ENTPD5: variants seen among roughly 807,000 people sequenced by gnomAD.
ENTPD5 encodes nucleoside diphosphate phosphatase ENTPD5.
In ENTPD5, 49 loss-of-function variants were observed where a neutral mutation model predicts 60.2. The ratio of observed to expected loss-of-function variants is 0.81; its 90% CI spans 0.65 to 1.03. ENTPD5 has a LOEUF of 1.03. ENTPD5 is among the 50% of genes least tolerant of loss of function. ENTPD5 has a pLI of 0.00. For missense variants in ENTPD5, 480 were observed against 507.6 expected (o/e 0.95, Z 0.52); for synonymous variants, 187 against 185.4 (o/e 1.01, Z -0.07).
intron 7 of ENTPD5, 61 bp downstream of exon 7, chr14:73,977,238 G>C: frequency 7.1e-7 from 1 of 1,410,858 alleles, no homozygotes; most frequent in East Asian, 2.3e-5. Context: ...AGTTCCTTTA[G>C]TTAGATCTTT....
At chr14:74,013,966 T>C (rs2058930096) in intron 2 of ENTPD5, among the ~76,000 whole-genome samples, 1 of 152,126 alleles carries the variant, frequency 6.6e-6, no homozygotes, top group South Asian at 2.1e-4. Flanking sequence ...CAGGCCGGTC[T>C]CAAAATCCTA....
downstream of ENTPD5, chr14:73,961,366 C>T (rs1395962227): frequency 3.1e-6 from 5 of 1,614,180 alleles, no homozygotes; most frequent in African/African-American, 2.7e-5. Flanking sequence ...CCTCGGGTGG[C>T]GCTCATTGGG....
In ENTPD5 at chr14:73,991,624, A is replaced by C. The variant is rs1175880756; in HGVS notation, c.-70-3452T>G. Among the ~76,000 whole-genome samples, 4 of 136,978 alleles carry C rather than the reference A, an allele frequency of 2.9e-5. No individual in the cohort carries two copies. The South Asian group carries it at 7.8e-4, about 27-fold the overall frequency. 89.9% of individuals were successfully genotyped at this position (136,978 alleles called of 152,430 possible). A position where few individuals can be genotyped will look rare whatever the true frequency, so the allele number is the denominator to read the frequency against. Reference sequence around the variant, plus strand: ...AACAATAACCAAAAAAAAAAAAAAAAAACAATTAGGGCTTGATGTGGGCGC... The same window carrying C: ...AACAATAACCAAAAAAAAAAAAAAACAACAATTAGGGCTTGATGTGGGCGC... On this transcript the variant is annotated intron_variant, in intron 3 of 15. Transcript: ENST00000334696.
intron 15 of ENTPD5, 128 bp from the exon 16 acceptor site, chr14:73,967,142 A>G (rs1165568156): frequency 5.7e-6 from 4 of 701,242 alleles, no homozygotes; most frequent in Non-Finnish European, 9.8e-6. Context: ...GACAGAAGCC[A>G]GTCTTTGCAG....
intron 3 of ENTPD5, chr14:73,996,193 C>G: frequency 2.0e-6 from 2 of 985,334 alleles, no homozygotes; most frequent in Non-Finnish European, 2.4e-6. Context: ...TCTTCTTAAT[C>G]AAGCGAGCCT....
chr14:73,983,819 T>C (rs1230896293), intron 5 of ENTPD5, among the ~76,000 whole-genome samples: 2 of 151,246 alleles, frequency 1.3e-5, no homozygotes, highest in Non-Finnish European at 2.9e-5. Flanking sequence ...GTCACCCAAG[T>C]AGCTGGGATT....
chr14:73,979,083 C>A (rs2057564494), intron 6 of ENTPD5, among the ~76,000 whole-genome samples: 1 of 152,136 alleles, frequency 6.6e-6, no homozygotes, highest in African/African-American at 2.4e-5. Context: ...ACATACCAAG[C>A]ACATACCTGC....
chr14:74,001,044 G>T (rs1594936454), intron 3 of ENTPD5, among the ~76,000 whole-genome samples: 1 of 152,030 alleles, frequency 6.6e-6, no homozygotes, highest in African/African-American at 2.4e-5. Flanking sequence ...AACACAGTGA[G>T]ACCCTATCCG....
At chr14:73,961,283 C>T (rs1457232470), downstream of ENTPD5, 38 of 1,614,028 alleles carry the variant, frequency 2.4e-5, no homozygotes, top group African/African-American at 2.7e-5. Flanking sequence ...TGCCCCCAAG[C>T]GTAGCCAGGG....
chr14:74,008,265 T>C (rs910061997), intron 3 of ENTPD5, among the ~76,000 whole-genome samples: 39 of 152,196 alleles, frequency 2.6e-4, no homozygotes, highest in African/African-American at 8.9e-4. Context: ...ATATGAGCTG[T>C]CTCAAACTGG....
intron 6 of ENTPD5, among the ~76,000 whole-genome samples, chr14:73,980,184 T>G (rs549974695): frequency 6.6e-6 from 1 of 151,420 alleles, no homozygotes; most frequent in Admixed American, 6.6e-5. Flanking sequence ...TGACCTCAGG[T>G]GATCCGCCCG....
At position 73,976,312 on chromosome 14, in the gene ENTPD5, T is replaced by G. The variant is rs1194989622; in HGVS notation, c.642+12A>C. ...AGTGCACTTCTAACCAGATCTTCAT[T>G]AAATGACTCACCTCAAACTGGGGCA... On this transcript the variant is annotated intron_variant, in intron 9 of 15. Transcript: ENST00000334696. 1 of 1,612,346 alleles carries G rather than the reference T, an allele frequency of 6.2e-7. No homozygotes were observed. The highest frequency in any genetic ancestry group is 1.1e-5 in the South Asian group (1 of 91,054).
intron 3 of ENTPD5, among the ~76,000 whole-genome samples, chr14:73,998,195 G>C (rs1463982812): frequency 6.6e-6 from 1 of 152,102 alleles, no homozygotes; most frequent in Non-Finnish European, 1.5e-5. Flanking sequence ...CACACCCCCA[G>C]CGCAGTGTTC....
intron 13 of ENTPD5, 76 bp downstream of exon 13, chr14:73,972,808 T>G: frequency 6.5e-7 from 1 of 1,531,150 alleles, no homozygotes. Flanking sequence ...GCACCTCAAG[T>G]GCTCTTTCTC....
chr14:73,997,310 T>C (rs1248634513), intron 3 of ENTPD5, among the ~76,000 whole-genome samples: 1 of 152,130 alleles, frequency 6.6e-6, no homozygotes, highest in Non-Finnish European at 1.5e-5. Context: ...TGAGATTGAT[T>C]GTTAGTTATG....
At chr14:73,961,798 G>T, downstream of ENTPD5, 1 of 1,614,144 alleles carries the variant, frequency 6.2e-7, no homozygotes, top group East Asian at 2.2e-5. Flanking sequence ...CTGCTCTTCT[G>T]GCTGCTACAG....
chr14:73,956,220 TG>T (rs1566685580), downstream of ENTPD5: 1 of 353,966 alleles, frequency 2.8e-6, no homozygotes, highest in African/African-American at 2.1e-5. Context: ...CCCAGCTACT[TG>T]GGAGGCTGAG....
rs1343542794 is a variant in ENTPD5 at position 73,989,104 on chromosome 14, A to G, written c.-70-932T>C. ...CCCAAAGTGCTGGGATTACAGGCAT[A>G]AGCCACCACGCCCAGCCACTTTGCT... On this transcript the variant is annotated intron_variant, in intron 3 of 15. Coordinates refer to ENST00000334696, the MANE Select transcript of ENTPD5 (RefSeq NM_001249.5). 2.0e-5 allele frequency among the ~76,000 whole-genome samples: 3 copies of G among 151,442 alleles called. No individual in the cohort carries two copies. The East Asian group carries it at 5.9e-4, about 30-fold the overall frequency.
At position 73,992,058 on chromosome 14, in the gene ENTPD5, G is replaced by A. The variant is rs537910165; in HGVS notation, c.-70-3886C>T. Among the ~76,000 whole-genome samples, 14 of 151,432 alleles carry A rather than the reference G, an allele frequency of 9.2e-5. No individual in the cohort carries two copies. In the East Asian group the frequency reaches 2.7e-3, roughly 29 times the overall value. ...TTCATATATATGTATGTATATAAAC[G>A]TTTTCTCTGCCATTTTCTTCCGGTA... On this transcript the variant is annotated intron_variant, in intron 3 of 15. Coordinates refer to ENST00000334696, the MANE Select transcript of ENTPD5 (RefSeq NM_001249.5).
Sources: allele counts gnomAD v4.1 joint callset (sites outside exome capture counted in the v4.1 genomes callset), GRCh38; gene constraint gnomAD v4.1.1; transcripts MANE v1.5; gene names NCBI Gene and HGNC (gene_info 2026-07-23, HGNC 2026-07-21).